The following ITGB6 variants were observed in gnomAD, a reference collection of about 807,000 sequenced individuals.
ITGB6 encodes integrin beta-6.
ITGB6 carries 80 observed loss-of-function variants against 84.5 expected under a neutral mutation model. The observed-to-expected ratio is 0.95, with a 90% CI of 0.79 to 1.14. ITGB6 has a LOEUF of 1.14. Ranked by LOEUF, ITGB6 falls within the 50% of genes most tolerant of loss-of-function variation. The probability of loss-of-function intolerance (pLI) is 0.00; values close to 1 mark genes in which losing one functional copy is unlikely to be tolerated. For missense variants in ITGB6, 1,006 were observed against 968.0 expected (o/e 1.04, Z -0.52); for synonymous variants, 383 against 354.9 (o/e 1.08, Z -0.89).
At position 160,141,923 on chromosome 2, in the gene ITGB6, A is replaced by G; in HGVS notation, c.1107+59T>C. The stretch of plus-strand genomic sequence containing the variant: ...ACTAACATTTAACTGCCTAAATCAC[A>G]TCTTAGTTTTTGAATACCAAAGAAA... On this transcript the variant is annotated intron_variant, in intron 8 of 14. Transcript: ENST00000283249. 2.8e-6 allele frequency: 3 copies of G among 1,075,620 alleles called. No individual in the cohort carries two copies. The Admixed American group carries it at 5.8e-5, about 21-fold the overall frequency. 66.6% of individuals were successfully genotyped at this position (1,075,620 alleles called of 1,614,324 possible).
At chr2:160,193,603 G>C (rs1686223602) in intron 4 of ITGB6, among the ~76,000 whole-genome samples, 1 of 152,170 alleles carries the variant, frequency 6.6e-6, no homozygotes, top group African/African-American at 2.4e-5. Context: ...GTGCATTTTA[G>C]GCATGTCAAC....
intron 12 of ITGB6, 99 bp downstream of exon 12, chr2:160,123,692 G>T: frequency 1.2e-6 from 1 of 828,152 alleles, no homozygotes. Flanking sequence ...GTACAAATAA[G>T]GTCAAGCTAC....
Position 160,199,211 on chromosome 2 carries a change from T to C in ITGB6, c.109A>G (p.Ile37Val), listed in dbSNP as rs1456041794. 1 of 1,614,146 alleles carries C rather than the reference T, an allele frequency of 6.2e-7. No individual in the cohort carries two copies. Among genetic ancestry groups the C allele is most frequent in the Non-Finnish European group, 8.5e-7 (1 of 1,179,998 alleles). ...GAETCEDCLL[I>V]GPQCAWCAQE... The stretch of plus-strand genomic sequence containing the variant: ...GCACACCAGGCACACTGAGGTCCAA[T>C]AAGCAGGCAGTCTTCACAGGTTTCT... The change falls in exon 2 of 15, where the codon ATT becomes GTT. Residue 37 changes from isoleucine (I) to valine (V), a missense_variant. Ile to Val is a conservative substitution (Grantham distance 29). Transcript: ENST00000283249.
At chr2:160,183,288 G>C (rs746328690) in intron 4 of ITGB6, among the ~76,000 whole-genome samples, 2 of 152,130 alleles carry the variant, frequency 1.3e-5, no homozygotes, top group African/African-American at 4.8e-5. Flanking sequence ...TAAAGGGATG[G>C]AGGAAGATTT....
intron 7 of ITGB6, among the ~76,000 whole-genome samples, chr2:160,149,242 G>T (rs1684315377): frequency 6.6e-6 from 1 of 152,342 alleles, no homozygotes; most frequent in East Asian, 1.9e-4. Context: ...CTGGGACAGA[G>T]CTTCCAGAAG....
chr2:160,189,271 A>C (rs938775885), intron 4 of ITGB6, among the ~76,000 whole-genome samples: 2 of 152,222 alleles, frequency 1.3e-5, no homozygotes, highest in Admixed American at 1.3e-4. Flanking sequence ...CCTAGGCAAT[A>C]CCATTCAGGA....
intron 10 of ITGB6, among the ~76,000 whole-genome samples, chr2:160,131,050 T>C (rs922289353): frequency 2.0e-5 from 3 of 152,112 alleles, no homozygotes; most frequent in Non-Finnish European, 4.4e-5. Flanking sequence ...CAACCAGTTA[T>C]CTAGAGTACT....
chr2:160,136,474 AT>A (rs1414440438), intron 10 of ITGB6, among the ~76,000 whole-genome samples: 2 of 152,200 alleles, frequency 1.3e-5, no homozygotes, highest in African/African-American at 4.8e-5. Flanking sequence ...TAGTTCAACC[AT>A]TGTGGAAGTC....
Position 160,126,687 on chromosome 2 carries a change from T to G in ITGB6, c.1661-86A>C, listed in dbSNP as rs1574059467. The G allele has an allele frequency of 6.4e-6, 8 of 1,257,406 alleles. No homozygotes were observed. The East Asian group carries it at 1.9e-4, about 29-fold the overall frequency. 77.9% of individuals were successfully genotyped at this position (1,257,406 alleles called of 1,614,324 possible). A position where few individuals can be genotyped will look rare whatever the true frequency, so the allele number is the denominator to read the frequency against. On this transcript the variant is annotated intron_variant, in intron 10 of 14. Coordinates refer to ENST00000283249, the MANE Select transcript of ITGB6 (RefSeq NM_000888.5). ...TGAGGGGCATCTTTTCTCTTTGTCT[T>G]TAAGCACCGTCATCAAAAGACAAGA...
rs181317510 is a variant in ITGB6 at position 160,114,373 on chromosome 2, T to C, written c.1982-2174A>G. Among the ~76,000 whole-genome samples, 253 of 152,354 alleles carry C rather than the reference T, an allele frequency of 1.7e-3. 2 individuals carry two copies. Among genetic ancestry groups the C allele is most frequent in the African/African-American group, 5.7e-3 (238 of 41,578 alleles). ...TTTTTTCCCTTCCTTTGTGAATGTC[T>C]ACAGTGCTGCTCTAGAATAATACAA... On this transcript the variant is annotated intron_variant, in intron 12 of 14. Transcript: ENST00000283249.
At chr2:160,171,357 C>T (rs1399473001) in intron 6 of ITGB6, among the ~76,000 whole-genome samples, 5 of 134,410 alleles carry the variant, frequency 3.7e-5, no homozygotes, top group African/African-American at 5.5e-5. Flanking sequence ...TTTTTGGAGA[C>T]GGAGTCTCGC....
intron 4 of ITGB6, among the ~76,000 whole-genome samples, chr2:160,178,062 A>G (rs1002678151): frequency 1.3e-5 from 2 of 152,090 alleles, no homozygotes; most frequent in Admixed American, 1.3e-4. Flanking sequence ...TTTAGTAGAG[A>G]TGGGGTTTTA....
intron 12 of ITGB6, among the ~76,000 whole-genome samples, chr2:160,113,270 A>G (rs1179654368): frequency 1.3e-5 from 2 of 152,264 alleles, no homozygotes; most frequent in Non-Finnish European, 2.9e-5. Context: ...TTAATAAAGC[A>G]GAATCTAATG....
chr2:160,172,169 T>C (rs1455294036), intron 6 of ITGB6, among the ~76,000 whole-genome samples: 1 of 152,220 alleles, frequency 6.6e-6, no homozygotes, highest in African/African-American at 2.4e-5. Flanking sequence ...TTGTTACCCA[T>C]GGAACATGAA....
At chr2:160,132,719 T>C (rs1035413482) in intron 10 of ITGB6, among the ~76,000 whole-genome samples, 2 of 152,158 alleles carry the variant, frequency 1.3e-5, no homozygotes, top group Admixed American at 6.6e-5. Context: ...ATTACACTTA[T>C]ATATGTGTGC....
chr2:160,151,382 G>T (rs930445737), intron 7 of ITGB6, among the ~76,000 whole-genome samples: 1 of 152,124 alleles, frequency 6.6e-6, no homozygotes, highest in Non-Finnish European at 1.5e-5. Flanking sequence ...AAATAAAGAT[G>T]TTCTTTGAAA....
chr2:160,111,135 T>C (rs1323220241), intron 13 of ITGB6, among the ~76,000 whole-genome samples: 1 of 98,416 alleles, frequency 1.0e-5, no homozygotes, highest in African/African-American at 2.8e-5. Context: ...CATGTTTCAC[T>C]GAAAAAAAAA....
intron 6 of ITGB6, among the ~76,000 whole-genome samples, chr2:160,169,844 T>C (rs1685138749): frequency 1.3e-5 from 2 of 152,242 alleles, no homozygotes; most frequent in South Asian, 4.1e-4. Flanking sequence ...GCCATTTTAA[T>C]ATCACAAGTT....
chr2:160,125,264 A>G (rs1424889598), intron 11 of ITGB6, among the ~76,000 whole-genome samples: 1 of 152,238 alleles, frequency 6.6e-6, no homozygotes, highest in Admixed American at 6.5e-5. Context: ...GAATACATGC[A>G]TGAATAAATG....
Sources: allele counts gnomAD v4.1 joint callset (sites outside exome capture counted in the v4.1 genomes callset), GRCh38; gene constraint gnomAD v4.1.1; transcripts MANE v1.5; gene names NCBI Gene and HGNC (gene_info 2026-07-23, HGNC 2026-07-21).